ERICH2: variants seen among roughly 807,000 people sequenced by gnomAD.
The protein encoded by ERICH2 is glutamate rich 2.
In ERICH2, 17 loss-of-function variants were observed where a neutral mutation model predicts 17.4. The observed-to-expected ratio is 0.98, with a 90% CI of 0.67 to 1.47. ERICH2 has a LOEUF of 1.47. Among genes scored for constraint, ERICH2 ranks in the 40% most tolerant of loss-of-function variants. ERICH2 has a pLI of 0.00. For synonymous variants in ERICH2, 51 were observed against 61.1 expected (o/e 0.83, Z 0.77); for missense variants, 186 against 183.2 (o/e 1.01, Z -0.09).
chr2:170,771,283 C>T, the ERICH2 span: 4 of 152,776 alleles, frequency 2.6e-5, no homozygotes, highest in East Asian at 7.7e-4. This position sits in a 1 kb window ranked among gnomAD's most constrained non-coding sequence, Gnocchi z 4.8. Context: ...GACCGGGCGC[C>T]CGAGTCTGCG....
At chr2:170,787,556 A>G (rs554215914) in intron 2 of ERICH2, among the ~76,000 whole-genome samples, 3 of 152,324 alleles carry the variant, frequency 2.0e-5, no homozygotes, top group Admixed American at 1.3e-4. Flanking sequence ...CCACCTGCTC[A>G]TTCTAGTGAT....
At chr2:170,792,280 T>C (rs996793910) in intron 2 of ERICH2, among the ~76,000 whole-genome samples, 2 of 152,162 alleles carry the variant, frequency 1.3e-5, no homozygotes, top group Non-Finnish European at 1.5e-5. Context: ...TAAAAATAAA[T>C]GTGTTTATTT....
At chr2:170,783,480 C>G (rs1701077226), upstream of ERICH2, among the ~76,000 whole-genome samples, 4 of 152,062 alleles carry the variant, frequency 2.6e-5, no homozygotes, top group African/African-American at 4.8e-5. Flanking sequence ...ACCTGGGGAG[C>G]AGAGGATGCA....
chr2:170,795,504 T>C (rs1268573723), intron 3 of ERICH2, among the ~76,000 whole-genome samples: 1 of 152,084 alleles, frequency 6.6e-6, no homozygotes, highest in East Asian at 1.9e-4. Flanking sequence ...CGTAAAACCA[T>C]GCCCAGGTAA....
At chr2:170,797,122 C>T (rs1701445343) in intron 3 of ERICH2, among the ~76,000 whole-genome samples, 1 of 152,166 alleles carries the variant, frequency 6.6e-6, no homozygotes, top group African/African-American at 2.4e-5. Flanking sequence ...TGTTGTTAAG[C>T]AGGCAATGAC....
chr2:170,797,697 C>T (rs1161684362), intron 3 of ERICH2, among the ~76,000 whole-genome samples: 4 of 150,842 alleles, frequency 2.7e-5, no homozygotes, highest in Non-Finnish European at 5.9e-5. Context: ...GAAACTGAGG[C>T]ACGAGAATCA....
At chr2:170,794,105 C>CTTTTTTTT (rs59152667) in intron 3 of ERICH2, among the ~76,000 whole-genome samples, 73 of 88,136 alleles carry the variant, frequency 8.3e-4, no homozygotes, top group African/African-American at 1.1e-3. Context: ...TCCTTTCTTT[C>CTTTTTTTT]TTTTTTTTTT....
At chr2:170,780,336 C>T (rs766825598), upstream of ERICH2, among the ~76,000 whole-genome samples, 1 of 152,080 alleles carries the variant, frequency 6.6e-6, no homozygotes, top group Non-Finnish European at 1.5e-5. Flanking sequence ...ACCTTTGGGC[C>T]TCCGATTCTT....
chr2:170,782,522 G>A (rs139359926), upstream of ERICH2: 262 of 205,594 alleles, frequency 1.3e-3, 1 homozygote, highest in Admixed American at 4.0e-3. Flanking sequence ...CCAAAGTCAT[G>A]TTGTAGGTGA....
At chr2:170,796,364 G>GGATCCTATGAGCCAATGGGGTC (rs1354839196) in intron 3 of ERICH2, among the ~76,000 whole-genome samples, 1 of 151,448 alleles carries the variant, frequency 6.6e-6, no homozygotes, top group Non-Finnish European at 1.5e-5. Flanking sequence ...GCCATGGGTG[G>GGATCCTATGAGCCAATGGGGTC]GATCCTATGA....
At chr2:170,783,973 A>G in intron 1 of ERICH2, 1 of 1,465,322 alleles carries the variant, frequency 6.8e-7, no homozygotes, top group South Asian at 1.2e-5. Context: ...TTTTAGAGTC[A>G]TTAGTTTTAC....
At chr2:170,792,889 G>C in exon 3 of ERICH2, 4 of 1,516,606 alleles carry the variant, frequency 2.6e-6, no homozygotes, top group Non-Finnish European at 3.6e-6. Context: ...TGGCCCGAGA[G>C]TACCAGCTGG....
chr2:170,785,052 T>C (rs992360679), intron 2 of ERICH2, among the ~76,000 whole-genome samples: 1 of 152,080 alleles, frequency 6.6e-6, no homozygotes, highest in Non-Finnish European at 1.5e-5. Flanking sequence ...TAAATTCTAG[T>C]ATTCAGTAGT....
intron 3 of ERICH2, among the ~76,000 whole-genome samples, chr2:170,794,171 A>G (rs1033454357): frequency 1.3e-4 from 17 of 132,206 alleles, no homozygotes; most frequent in Admixed American, 7.4e-4. Context: ...CAGTGGTGCA[A>G]TCTCCGCTCA....
In ERICH2 at chr2:170,790,299, G is replaced by A. The variant is rs140943907; in HGVS notation, c.217-2564G>A. On this transcript the variant is annotated intron_variant, in intron 2 of 4. Coordinates refer to ENST00000409885, the Ensembl canonical transcript of ERICH2. ...CACTTGACGTCAGGAATTCAAGACC[G>A]GCCTGGCCAACATGATGAAATCTCA... 7.8e-3 allele frequency among the ~76,000 whole-genome samples: 1,185 copies of A among 151,656 alleles called. 23 individuals are homozygous for A. Among genetic ancestry groups the A allele is most frequent in the African/African-American group, 0.027 (1,131 of 41,282 alleles).
upstream of ERICH2, among the ~76,000 whole-genome samples, chr2:170,780,975 C>G (rs1243662217): frequency 6.6e-6 from 1 of 152,158 alleles, no homozygotes; most frequent in African/African-American, 2.4e-5. Flanking sequence ...CTTTCTGTCA[C>G]AATTAGAAGA....
rs190193442 is a variant in ERICH2, at chr2:170,796,583, G to A, written c.275-1458G>A. On this transcript the variant is annotated intron_variant, in intron 3 of 4. Coordinates refer to ENST00000409885, the Ensembl canonical transcript of ERICH2. ...CCGAAGGAGCTGGGACTACAAGCAC[G>A]TGTTACCACGCCCAGCTAATTTTTG... 1.6e-4 allele frequency among the ~76,000 whole-genome samples: 25 copies of A among 152,060 alleles called. No homozygotes were observed. In the East Asian group the frequency reaches 2.7e-3, roughly 16 times the overall value.
chr2:170,777,215 A>G, the ERICH2 span: 1 of 165,438 alleles, frequency 6.0e-6, no homozygotes, highest in Non-Finnish European at 1.3e-5. Flanking sequence ...TTTTGAGTCT[A>G]TTTTAGCATC....
chr2:170,787,610 T>C (rs1701187695), intron 2 of ERICH2, among the ~76,000 whole-genome samples: 1 of 152,346 alleles, frequency 6.6e-6, no homozygotes, highest in South Asian at 2.1e-4. Flanking sequence ...CACATGCAGA[T>C]CATTACCAGC....
Sources: gnomAD v4.1 joint callset for allele counts (sites outside exome capture counted in the v4.1 genomes callset) on GRCh38, gnomAD v4.1.1 for gene constraint, Gnocchi (gnomAD v3.1) non-coding constraint, MANE v1.5 for transcripts, NCBI Gene and HGNC (gene_info 2026-07-23, HGNC 2026-07-21) for gene names.